The following EIF3H variants were observed in gnomAD, a reference collection of about 807,000 sequenced individuals.
The protein encoded by EIF3H is eIF-3-gamma.
A neutral mutation model predicts 44.2 loss-of-function variants in EIF3H; 26 were observed. The ratio of observed to expected loss-of-function variants is 0.59; its 90% CI spans 0.43 to 0.82. The LOEUF is 0.82. EIF3H is among the 40% of genes least tolerant of loss of function. The pLI is 0.00. For synonymous variants in EIF3H, 166 were observed against 151.9 expected (o/e 1.09, Z -0.68); for missense variants, 359 against 432.8 (o/e 0.83, Z 1.51).
At chr8:116,690,512 C>G (rs965155858) in intron 2 of EIF3H, among the ~76,000 whole-genome samples, 2 of 152,096 alleles carry the variant, frequency 1.3e-5, no homozygotes, top group East Asian at 3.8e-4. Context: ...TGGGGCAACA[C>G]AGTGAGACCT....
chr8:116,656,687 G>A (rs760739420), intron 4 of EIF3H, among the ~76,000 whole-genome samples: 25 of 152,202 alleles, frequency 1.6e-4, no homozygotes, highest in Non-Finnish European at 2.9e-4. Context: ...AGAATTCTAA[G>A]TATTTAATTT....
At chr8:116,696,863 C>T (rs1814276812) in intron 2 of EIF3H, among the ~76,000 whole-genome samples, 1 of 152,110 alleles carries the variant, frequency 6.6e-6, no homozygotes, top group Non-Finnish European at 1.5e-5. Context: ...GGCAGAACAG[C>T]CCTGCACACA....
intron 2 of EIF3H, among the ~76,000 whole-genome samples, chr8:116,673,030 C>CA (rs1440246306): frequency 1.5e-5 from 2 of 137,822 alleles, no homozygotes; most frequent in Non-Finnish European, 3.1e-5. Context: ...AAAAACACCA[C>CA]AAAAAACTGC....
Position 116,684,257 on chromosome 8 carries a change from G to C in EIF3H, c.290-25277C>G, listed in dbSNP as rs1375876163. ...GATGAAACTGGGCAGAAAGGATCAA[G>C]TTCTTCCCAGATGGAAGTCCTGCAG... On this transcript the variant is annotated intron_variant, in intron 2 of 7. Transcript: ENST00000521861. Among the ~76,000 whole-genome samples the C allele has an allele frequency of 2.6e-5, 4 of 152,286 alleles. No homozygotes were observed. In the East Asian group the frequency reaches 7.7e-4, roughly 29 times the overall value.
chr8:116,752,795 G>GAAGGAAGGAA (rs1815380142), intron 1 of EIF3H, among the ~76,000 whole-genome samples: 1 of 80,366 alleles, frequency 1.2e-5, no homozygotes, highest in Admixed American at 1.3e-4. Flanking sequence ...GAGGGAGGGA[G>GAAGGAAGGAA]GGAAGGAAGG....
chr8:116,746,788 A>C (rs1815245522), intron 1 of EIF3H, among the ~76,000 whole-genome samples: 1 of 152,264 alleles, frequency 6.6e-6, no homozygotes, highest in African/African-American at 2.4e-5. Context: ...TCAAAATGTC[A>C]GACTGCATAA....
In EIF3H at chr8:116,745,812, G is replaced by A. The variant is rs113222639; in HGVS notation, c.132+9854C>T. On this transcript the variant is annotated intron_variant, in intron 1 of 7. Coordinates refer to ENST00000521861, the MANE Select transcript of EIF3H (RefSeq NM_003756.3). ...AGGGCATGGTGGCACACAGCTACTCGGGAGGCTGAGGGGCACGAGAATCGC... is the reference window on the plus strand; with the variant it reads ...AGGGCATGGTGGCACACAGCTACTCAGGAGGCTGAGGGGCACGAGAATCGC... 6.1e-3 allele frequency among the ~76,000 whole-genome samples: 922 copies of A among 152,094 alleles called. 7 individuals carry two copies. Among genetic ancestry groups the A allele is most frequent in the African/African-American group, 0.021 (878 of 41,506 alleles).
At chr8:116,718,736 C>A (rs547465411) in intron 2 of EIF3H, among the ~76,000 whole-genome samples, 5 of 96,692 alleles carry the variant, frequency 5.2e-5, no homozygotes, top group South Asian at 3.1e-4. Flanking sequence ...GGGTCGGGGG[C>A]GGGGTGGTTA....
intron 3 of EIF3H, 189 bp from the exon 4 acceptor site, chr8:116,657,503 T>C (rs149753444): frequency 1.2e-3 from 695 of 588,696 alleles, no homozygotes; most frequent in Non-Finnish European, 1.9e-3. Context: ...AATGCAGGAA[T>C]ACCTCTATCC....
At chr8:116,737,961 G>A (rs2130952247) in intron 1 of EIF3H, among the ~76,000 whole-genome samples, 1 of 150,382 alleles carries the variant, frequency 6.6e-6, no homozygotes, top group African/African-American at 2.4e-5. Flanking sequence ...CTTGAACCCA[G>A]GAAGCGGAGG....
At chr8:116,710,988 A>G (rs1437431879) in intron 2 of EIF3H, among the ~76,000 whole-genome samples, 3 of 152,166 alleles carry the variant, frequency 2.0e-5, no homozygotes, top group Admixed American at 6.5e-5. Flanking sequence ...ATACATAAGA[A>G]ATATATATAT....
chr8:116,735,264 G>T (rs1194848744), intron 1 of EIF3H, among the ~76,000 whole-genome samples: 1 of 152,190 alleles, frequency 6.6e-6, no homozygotes, highest in Non-Finnish European at 1.5e-5. Flanking sequence ...ATGGAGTTTT[G>T]AACTTGGCTG....
chr8:116,646,576 T>C lies in EIF3H; in HGVS notation c.856A>G (p.Met286Val). Residue 286 changes from methionine to valine, a missense_variant, in exon 7 of 8, where the codon ATG becomes GTG. Met to Val is a conservative substitution (Grantham distance 21, BLOSUM62 1). Coordinates refer to ENST00000521861, the MANE Select transcript of EIF3H (RefSeq NM_003756.3). ...GGTTCTCCTCGGCTCTGGCGCTGCA[T>C]ATTCTCCTGCTGGCGACGCTGCTGA... ...QYQQRRQQEN[M>V]QRQSRGEPPL... 3 of 1,614,100 alleles carry C rather than the reference T, an allele frequency of 1.9e-6. No homozygotes were observed. Among genetic ancestry groups the C allele is most frequent in the Non-Finnish European group, 2.5e-6 (3 of 1,179,996 alleles).
In EIF3H at chr8:116,648,865, T is replaced by G. The variant is rs767226644; in HGVS notation, c.769A>C (p.Ile257Leu). The change falls in exon 6 of 8, where the codon ATA becomes CTA. Residue 257 changes from isoleucine to leucine, a missense_variant. Ile to Leu is a conservative substitution (Grantham distance 5). Transcript: ENST00000521861. ...CTCATGTATGTGTTGTATTTAACTA[T>G]ATCTTGGCTCATTTCATCCACTCTG... ...MDRVDEMSQD[I>L]VKYNTYMRNT... 2 of 1,612,780 alleles carry G rather than the reference T, an allele frequency of 1.2e-6. No individual in the cohort carries two copies. Among genetic ancestry groups the G allele is most frequent in the Non-Finnish European group, 1.7e-6 (2 of 1,179,410 alleles).
intron 2 of EIF3H, among the ~76,000 whole-genome samples, chr8:116,671,597 A>G (rs1813756023): frequency 6.6e-6 from 1 of 152,190 alleles, no homozygotes; most frequent in Non-Finnish European, 1.5e-5. Flanking sequence ...ACTGTGCCAG[A>G]CCTTCTAGGC....
At chr8:116,657,191 T>A in intron 4 of EIF3H, 24 bp downstream of exon 4, 1 of 1,576,138 alleles carries the variant, frequency 6.3e-7, no homozygotes, top group Middle Eastern at 1.7e-4. Flanking sequence ...CCCAACCCTT[T>A]ACCAGATGCC....
At chr8:116,698,133 T>A (rs558528566) in intron 2 of EIF3H, among the ~76,000 whole-genome samples, 1 of 152,210 alleles carries the variant, frequency 6.6e-6, no homozygotes, top group African/African-American at 2.4e-5. Flanking sequence ...AGGGCCATTA[T>A]CATGGCTACT....
intron 3 of EIF3H, chr8:116,657,902 C>CTTAG (rs982963236): frequency 3.9e-5 from 6 of 152,524 alleles, no homozygotes; most frequent in African/African-American, 1.4e-4. Flanking sequence ...AGTAAGGGAG[C>CTTAG]TTAGCACTTG....
rs547288919 is a variant in EIF3H, at chr8:116,681,716, TAGAA to T, written c.290-22740_290-22737del. On this transcript the variant is annotated intron_variant, in intron 2 of 7. Transcript: ENST00000521861. The stretch of plus-strand genomic sequence containing the variant: ...AATTTTAAAGCATGTTTTAAACGTT[TAGAA>T]AGAATTATACCAACCTAATAACTAC... Among the ~76,000 whole-genome samples, 63 of 152,012 alleles carry T rather than the reference TAGAA, an allele frequency of 4.1e-4. 1 individual carries two copies. The South Asian group carries it at 0.012, about 29-fold the overall frequency.
Sources: gnomAD v4.1 joint callset for allele counts (sites outside exome capture counted in the v4.1 genomes callset) on GRCh38, gnomAD v4.1.1 for gene constraint, MANE v1.5 for transcripts, NCBI Gene and HGNC (gene_info 2026-07-23, HGNC 2026-07-21) for gene names.